The following PLXNA4 variants were observed in gnomAD, a reference collection of about 807,000 sequenced individuals.
PLXNA4 encodes plexin A4, also known as plexin-A4.
Under a neutral mutation model 191.8 loss-of-function variants are expected in PLXNA4, and 44 were observed. The observed-to-expected ratio is 0.23, with a 90% CI of 0.18 to 0.29. PLXNA4 has a LOEUF of 0.29. Among genes scored for constraint, PLXNA4 ranks in the 10% least tolerant of loss-of-function variants. PLXNA4 has a pLI of 1.00. For synonymous variants in PLXNA4, 1,082 were observed against 1,009.5 expected (o/e 1.07, Z -1.36); for missense variants, 1,800 against 2,488.8 (o/e 0.72, Z 5.89).
chr7:132,335,382 A>G (rs901467064), intron 3 of PLXNA4, among the ~76,000 whole-genome samples: 1 of 152,192 alleles, frequency 6.6e-6, no homozygotes, highest in Non-Finnish European at 1.5e-5. Context: ...TATGACTCAG[A>G]AGCCTCTGTT....
At chr7:132,322,184 C>CTTTTTTTTTTTTT (rs5887566) in intron 3 of PLXNA4, among the ~76,000 whole-genome samples, 12 of 122,488 alleles carry the variant, frequency 9.8e-5, no homozygotes, top group Non-Finnish European at 1.7e-4. Context: ...CCTAAAAGGG[C>CTTTTTTTTTTTTT]TTTTTTTTTT....
rs935678246 is a variant in PLXNA4, at chr7:132,126,101, C to G, written c.*4378G>C. ...GTCCCCTTGGTCCTGGGAAAGAAGA[C>G]AGATGGAAATTGAGCTTTTCTTTTT... On this transcript the variant is annotated 3_prime_UTR_variant, in exon 32 of 32. Coordinates refer to ENST00000321063, the MANE Select transcript of PLXNA4 (RefSeq NM_020911.2). 6.6e-6 allele frequency: 1 copy of G among 152,468 alleles called. No individual in the cohort carries two copies. The highest frequency in any genetic ancestry group is 6.5e-5 in the Admixed American group (1 of 15,290). 9.4% of individuals were successfully genotyped at this position (152,468 alleles called of 1,614,324 possible).
chr7:132,349,039 C>T (rs1803370348), intron 3 of PLXNA4, among the ~76,000 whole-genome samples: 1 of 152,126 alleles, frequency 6.6e-6, no homozygotes, highest in Non-Finnish European at 1.5e-5. Context: ...TCTGTTTGCT[C>T]CTCTGTAAGA....
chr7:132,171,373 G>A lies in PLXNA4; in HGVS notation c.4018-2801C>T, dbSNP rs142692287. 1.6e-4 allele frequency among the ~76,000 whole-genome samples: 24 copies of A among 152,252 alleles called. No homozygotes were observed. The East Asian group carries it at 4.3e-3, about 27-fold the overall frequency. ...GGATTATGAAACCCAAACTTGTTTG[G>A]CTCCCAAGTGCCCGTTCGTCCTCCC... On this transcript the variant is annotated intron_variant, in intron 21 of 31. Coordinates refer to ENST00000321063, the MANE Select transcript of PLXNA4 (RefSeq NM_020911.2).
intron 1 of PLXNA4, among the ~76,000 whole-genome samples, chr7:132,549,546 C>T (rs1447988150): frequency 6.6e-6 from 1 of 152,162 alleles, no homozygotes; most frequent in East Asian, 1.9e-4. Flanking sequence ...TTTTTGAAAG[C>T]TGGAACCATC....
intron 3 of PLXNA4, among the ~76,000 whole-genome samples, chr7:132,369,111 C>A (rs912759575): frequency 6.6e-6 from 1 of 152,190 alleles, no homozygotes; most frequent in Non-Finnish European, 1.5e-5. Flanking sequence ...TCTCCCAGCC[C>A]TTTCACAGAA....
At chr7:132,548,458 C>T (rs1169399839) in intron 1 of PLXNA4, among the ~76,000 whole-genome samples, 3 of 152,096 alleles carry the variant, frequency 2.0e-5, no homozygotes, top group African/African-American at 7.2e-5. Context: ...TGGAGGTAGA[C>T]AACACTGATA....
chr7:132,222,133 A>G (rs544054911), intron 9 of PLXNA4, among the ~76,000 whole-genome samples: 1 of 152,112 alleles, frequency 6.6e-6, no homozygotes, highest in Non-Finnish European at 1.5e-5. Flanking sequence ...TCCAGACAAC[A>G]TCTCCACTCC....
chr7:132,607,955 TCACCATCAC>T (rs1802963709), intron 2 of PLXNA4, among the ~76,000 whole-genome samples: 2 of 152,028 alleles, frequency 1.3e-5, no homozygotes, highest in African/African-American at 4.8e-5. Flanking sequence ...CTCATCACTA[TCACCATCAC>T]CACCATCACT....
intron 10 of PLXNA4, among the ~76,000 whole-genome samples, chr7:132,209,557 G>A (rs1253932050): frequency 6.6e-6 from 1 of 152,110 alleles, no homozygotes; most frequent in African/African-American, 2.4e-5. Context: ...GGAGGGGGAT[G>A]GGCACACAGG....
chr7:132,135,138 T>A (rs1022074704), intron 30 of PLXNA4, among the ~76,000 whole-genome samples: 1 of 152,230 alleles, frequency 6.6e-6, no homozygotes, highest in African/African-American at 2.4e-5. Context: ...AGGGATCCCA[T>A]GTCTACCAAG....
chr7:132,425,930 T>G (rs895176293), intron 3 of PLXNA4, among the ~76,000 whole-genome samples: 2 of 152,156 alleles, frequency 1.3e-5, no homozygotes, highest in African/African-American at 4.8e-5. Flanking sequence ...CTGCCCAGGC[T>G]CCCTGACCCT....
At chr7:132,532,874 C>T (rs1799676420) in intron 1 of PLXNA4, among the ~76,000 whole-genome samples, 1 of 152,192 alleles carries the variant, frequency 6.6e-6, no homozygotes, top group East Asian at 1.9e-4. Context: ...CCCATCTCTA[C>T]ACTTACAAAT....
intron 3 of PLXNA4, among the ~76,000 whole-genome samples, chr7:132,369,665 A>G (rs1414100432): frequency 2.0e-5 from 3 of 152,092 alleles, no homozygotes; most frequent in Admixed American, 6.5e-5. Flanking sequence ...TGAAACCATC[A>G]CTATGAACAA....
intron 2 of PLXNA4, among the ~76,000 whole-genome samples, chr7:132,608,134 ATCAC>A (rs1802974580): frequency 1.3e-5 from 2 of 151,750 alleles, no homozygotes; most frequent in South Asian, 4.2e-4. Flanking sequence ...CATCATCATC[ATCAC>A]TATCACCATC....
chr7:132,176,172 G>T, intron 20 of PLXNA4, among the ~76,000 whole-genome samples: 1 of 152,278 alleles, frequency 6.6e-6, no homozygotes, highest in African/African-American at 2.4e-5. Context: ...TCCCAAGACT[G>T]CTTGTTTGAG....
chr7:132,634,969 G>T (rs1046709850), intron 2 of PLXNA4, among the ~76,000 whole-genome samples: 4 of 151,978 alleles, frequency 2.6e-5, no homozygotes, highest in Admixed American at 2.6e-4. Context: ...TATAAAGAAG[G>T]CAGAAAAACG....
chr7:132,622,519 G>C (rs980234949), intron 2 of PLXNA4, among the ~76,000 whole-genome samples: 1 of 151,530 alleles, frequency 6.6e-6, no homozygotes, highest in South Asian at 2.1e-4. Context: ...CTTACAAACT[G>C]TCTAAAGAAT....
At chr7:132,274,036 G>A (rs1584932118) in intron 4 of PLXNA4, among the ~76,000 whole-genome samples, 1 of 151,874 alleles carries the variant, frequency 6.6e-6, no homozygotes, top group South Asian at 2.1e-4. Context: ...CATGGATAAA[G>A]GTTAAAAGCA....
Sources: allele counts gnomAD v4.1 joint callset (sites outside exome capture counted in the v4.1 genomes callset), GRCh38; gene constraint gnomAD v4.1.1; transcripts MANE v1.5; gene names NCBI Gene and HGNC (gene_info 2026-07-23, HGNC 2026-07-21).